The following ESR1 variants were observed in gnomAD, a reference collection of about 807,000 sequenced individuals.
The protein encoded by ESR1 is estrogen receptor.
A neutral mutation model predicts 52.7 loss-of-function variants in ESR1; 12 were observed. The observed-to-expected ratio is 0.23, with a 90% CI of 0.15 to 0.37. The LOEUF is 0.37. Among genes scored for constraint, ESR1 ranks in the 10% least tolerant of loss-of-function variants. ESR1 has a pLI of 1.00. For synonymous variants in ESR1, 305 were observed against 316.8 expected, an observed-to-expected ratio of 0.96 and a Z score of 0.39; for missense variants, 584 against 779.7, an observed-to-expected ratio of 0.75 and a Z score of 2.99.
intron 6 of ESR1, among the ~76,000 whole-genome samples, chr6:152,116,058 A>G (rs527415887): frequency 6.6e-6 from 1 of 152,328 alleles, no homozygotes; most frequent in East Asian, 1.9e-4. Context: ...TTTGGAAACC[A>G]CTAGTGTACA....
At chr6:151,694,612 AC>A (rs1314474527) in intron 1 of ESR1, among the ~76,000 whole-genome samples, 11 of 151,890 alleles carry the variant, frequency 7.2e-5, no homozygotes, top group Admixed American at 7.2e-4. Flanking sequence ...ACACGGTGAA[AC>A]CCGTCTCCAC....
intron 4 of ESR1, 37 bp from the exon 5 acceptor site, chr6:152,011,619 C>T (rs771149182): frequency 6.2e-7 from 1 of 1,612,536 alleles, no homozygotes; most frequent in African/African-American, 1.3e-5. Flanking sequence ...GAGTCTTTTT[C>T]ATTTGAGTCA....
Position 152,099,587 on chromosome 6 carries a change from T to C in ESR1, c.*621T>C, listed in dbSNP as rs1365342582. The C allele has an allele frequency of 4.2e-6, 1 of 240,944 alleles. No homozygotes were observed. The highest frequency in any genetic ancestry group is 2.2e-5 in the African/African-American group (1 of 45,554). The allele number at this position is 240,944 out of a possible 1,614,324, so 14.9% of individuals were successfully genotyped here. A position where few individuals can be genotyped will look rare whatever the true frequency, so the allele number is the denominator to read the frequency against. ...ACAAGGGGCACACAGGGAAGGCAGA[T>C]CCCCTAGTTGGCAAGACTATTTTAA... On this transcript the variant is annotated 3_prime_UTR_variant, in exon 8 of 8. Coordinates refer to ENST00000206249, the MANE Select transcript of ESR1 (RefSeq NM_000125.4).
intron 4 of ESR1, among the ~76,000 whole-genome samples, chr6:151,954,623 T>A (rs1223865329): frequency 6.6e-6 from 1 of 152,222 alleles, no homozygotes; most frequent in East Asian, 1.9e-4. Flanking sequence ...ATCATAACAT[T>A]TGATTCCTTT....
At chr6:151,873,650 G>T (rs558140149) in intron 2 of ESR1, among the ~76,000 whole-genome samples, 1 of 152,288 alleles carries the variant, frequency 6.6e-6, no homozygotes, top group Admixed American at 6.5e-5. Context: ...ACACCTAAAG[G>T]ATAATATAGT....
chr6:151,802,118 T>C (rs573442879), upstream of ESR1, among the ~76,000 whole-genome samples: 1 of 152,212 alleles, frequency 6.6e-6, no homozygotes, highest in African/African-American at 2.4e-5. Flanking sequence ...TCAAATGGTA[T>C]GCTTTAGATA....
At chr6:151,910,142 G>A (rs1798048069) in intron 3 of ESR1, among the ~76,000 whole-genome samples, 2 of 151,656 alleles carry the variant, frequency 1.3e-5, no homozygotes, top group Admixed American at 6.6e-5. Flanking sequence ...AATGATGGAA[G>A]TGTTCTGTGG....
intron 4 of ESR1, among the ~76,000 whole-genome samples, chr6:151,974,311 A>G (rs762940267): frequency 6.6e-5 from 10 of 151,946 alleles, no homozygotes; most frequent in Non-Finnish European, 1.5e-4. Flanking sequence ...AGCACTTTAC[A>G]TGTTTTCTAT....
At chr6:151,832,455 G>A (rs545070945) in intron 1 of ESR1, among the ~76,000 whole-genome samples, 1 of 152,266 alleles carries the variant, frequency 6.6e-6, no homozygotes, top group East Asian at 1.9e-4. Flanking sequence ...ATACCCAGGA[G>A]GTATGTTATG....
chr6:151,922,602 T>G (rs2128465459), intron 3 of ESR1, among the ~76,000 whole-genome samples: 1 of 152,232 alleles, frequency 6.6e-6, no homozygotes, highest in South Asian at 2.1e-4. Flanking sequence ...CATTGTAGGG[T>G]TTTTTAAAAG....
intron 1 of ESR1, among the ~76,000 whole-genome samples, chr6:151,826,484 T>G (rs561249355): frequency 6.6e-6 from 1 of 152,206 alleles, no homozygotes; most frequent in Non-Finnish European, 1.5e-5. Flanking sequence ...TTCTGAAAAG[T>G]AAAAGGGCAG....
intron 1 of ESR1, among the ~76,000 whole-genome samples, chr6:151,819,626 C>T (rs761738807): frequency 1.3e-5 from 2 of 152,144 alleles, no homozygotes; most frequent in Non-Finnish European, 2.9e-5. Context: ...ATGGGACTGT[C>T]TAGTTGCAGG....
intron 4 of ESR1, among the ~76,000 whole-genome samples, chr6:151,947,268 G>A (rs963968198): frequency 9.2e-5 from 14 of 152,108 alleles, no homozygotes; most frequent in African/African-American, 1.9e-4. Context: ...GCAGTGAGCC[G>A]AGACCCCACA....
At chr6:151,674,166 T>A (rs905943034) in intron 1 of ESR1, among the ~76,000 whole-genome samples, 8 of 152,184 alleles carry the variant, frequency 5.3e-5, no homozygotes, top group African/African-American at 2.4e-5. Flanking sequence ...TTTGTCCTAA[T>A]GCTCTCCCTC....
intron 5 of ESR1, among the ~76,000 whole-genome samples, chr6:152,012,347 TG>T (rs1405367529): frequency 1.3e-5 from 2 of 150,692 alleles, no homozygotes; most frequent in East Asian, 2.0e-4. Flanking sequence ...TGGGTCCCAT[TG>T]TTTTTTTTTT....
Position 152,099,144 on chromosome 6 carries a change from T to C in ESR1, c.*178T>C, listed in dbSNP as rs1264579929. The C allele has an allele frequency of 7.8e-6, 5 of 642,798 alleles. No homozygotes were observed. The highest frequency in any genetic ancestry group is 1.1e-5 in the Non-Finnish European group (4 of 354,294). The allele number at this position is 642,798 out of a possible 1,614,324, so 39.8% of individuals were successfully genotyped here. ...AGTTCTTAGTGGCACATCTTCTGTC[T>C]TCTGTTGGGAACAGCCAAAGGGATT... is the stretch of plus-strand genomic sequence containing the variant. On this transcript the variant is annotated 3_prime_UTR_variant, in exon 8 of 8. Coordinates refer to ENST00000206249, the MANE Select transcript of ESR1 (RefSeq NM_000125.4).
intron 2 of ESR1, among the ~76,000 whole-genome samples, chr6:151,708,554 T>G (rs1043640678): frequency 8.5e-5 from 13 of 152,092 alleles, no homozygotes; most frequent in African/African-American, 3.1e-4. Flanking sequence ...TGTTGGAGAG[T>G]ATCATTTTCC....
At chr6:151,842,230 A>T (rs1358265796) in intron 1 of ESR1, among the ~76,000 whole-genome samples, 3 of 151,984 alleles carry the variant, frequency 2.0e-5, no homozygotes, top group African/African-American at 7.3e-5. Flanking sequence ...TTTCCCAGAG[A>T]CCCTGAGTGT....
intron 2 of ESR1, among the ~76,000 whole-genome samples, chr6:151,879,582 G>A (rs775812216): frequency 2.0e-5 from 3 of 152,120 alleles, no homozygotes; most frequent in African/African-American, 7.2e-5. Flanking sequence ...ATCAACAAGA[G>A]AGAAAAGAAA....
Sources: allele counts gnomAD v4.1 joint callset (sites outside exome capture counted in the v4.1 genomes callset), GRCh38; gene constraint gnomAD v4.1.1; transcripts MANE v1.5; gene names NCBI Gene and HGNC (gene_info 2026-07-23, HGNC 2026-07-21).